PCDH9: variants seen among roughly 807,000 people sequenced by gnomAD.
PCDH9 encodes protocadherin-9.
A neutral mutation model predicts 70.6 loss-of-function variants in PCDH9; 24 were observed. That is an observed-to-expected ratio of 0.34 (90% CI 0.25 to 0.48). PCDH9 has a LOEUF of 0.48. Ranked by LOEUF, PCDH9 falls within the 20% of genes least tolerant of loss-of-function variation. The probability of loss-of-function intolerance (pLI) is 0.99; values close to 1 mark genes in which losing one functional copy is unlikely to be tolerated. For missense variants in PCDH9, 1,281 were observed against 1,503.6 expected, an observed-to-expected ratio of 0.85 and a Z score of 2.45; for synonymous variants, 562 against 558.5, an observed-to-expected ratio of 1.01 and a Z score of -0.09.
At chr13:66,959,175 A>G (rs923787632) in intron 2 of PCDH9, among the ~76,000 whole-genome samples, 3 of 152,168 alleles carry the variant, frequency 2.0e-5, no homozygotes, top group Non-Finnish European at 2.9e-5. Context: ...AAAAACACCT[A>G]TTTGAAGGTA....
intron 2 of PCDH9, among the ~76,000 whole-genome samples, chr13:67,032,097 T>C (rs2084918828): frequency 6.6e-6 from 1 of 152,222 alleles, no homozygotes; most frequent in Non-Finnish European, 1.5e-5. Context: ...CAGTCATAGA[T>C]TATAGATGTA....
In PCDH9 at chr13:66,529,835, C is replaced by T. The variant is rs527572070; in HGVS notation, c.3340+101375G>A. Among the ~76,000 whole-genome samples, 162 of 144,904 alleles carry T rather than the reference C, an allele frequency of 1.1e-3. 1 individual carries two copies. Among genetic ancestry groups the T allele is most frequent in the African/African-American group, 4.0e-3 (158 of 39,182 alleles). On this transcript the variant is annotated intron_variant, in intron 4 of 4. Coordinates refer to ENST00000377865, the MANE Select transcript of PCDH9 (RefSeq NM_203487.3). The stretch of plus-strand genomic sequence containing the variant: ...CATACAGATCAATATCACATGAACA[C>T]AAGATAGTATTGTGTACTAGAAGGA...
intron 4 of PCDH9, among the ~76,000 whole-genome samples, chr13:66,333,988 A>T (rs1955986901): frequency 6.6e-6 from 1 of 152,148 alleles, no homozygotes; most frequent in African/African-American, 2.4e-5. Flanking sequence ...GTAATGATCA[A>T]ATCTGGGTAA....
At chr13:66,308,135 G>A (rs991236966) in intron 4 of PCDH9, among the ~76,000 whole-genome samples, 1 of 151,990 alleles carries the variant, frequency 6.6e-6, no homozygotes, top group African/African-American at 2.4e-5. Context: ...TCTGGGGGCC[G>A]TTAACTGTTT....
chr13:67,092,593 T>C (rs1460271406), intron 2 of PCDH9, among the ~76,000 whole-genome samples: 1 of 152,168 alleles, frequency 6.6e-6, no homozygotes, highest in Non-Finnish European at 1.5e-5. Flanking sequence ...TCCCCCGGAC[T>C]GAGGAGACAG....
intron 2 of PCDH9, among the ~76,000 whole-genome samples, chr13:66,963,060 C>A (rs1270905178): frequency 6.6e-6 from 1 of 152,022 alleles, no homozygotes; most frequent in East Asian, 1.9e-4. Context: ...AACCTAGAAC[C>A]CTCGCATGCT....
chr13:67,097,177 C>T (rs559926250), intron 2 of PCDH9, among the ~76,000 whole-genome samples: 2 of 152,006 alleles, frequency 1.3e-5, no homozygotes, highest in East Asian at 3.9e-4. Flanking sequence ...ATCACCTGAG[C>T]CCAGGGAGGT....
rs113168050 is a variant in PCDH9 at position 66,708,677 on chromosome 13, T to C, written c.3139-77266A>G. ...AACACGCAGAAACGTGGAAGATACA[T>C]GGCTTCCTCAGTCTAAGTATGTGAC... On this transcript the variant is annotated intron_variant, in intron 3 of 4. Transcript: ENST00000377865. Among the ~76,000 whole-genome samples the C allele has an allele frequency of 7.9e-4, 121 of 152,314 alleles. 1 individual carries two copies. Among genetic ancestry groups the C allele is most frequent in the African/African-American group, 2.8e-3 (117 of 41,566 alleles).
chr13:66,376,215 C>T (rs1275081124), intron 4 of PCDH9, among the ~76,000 whole-genome samples: 1 of 152,030 alleles, frequency 6.6e-6, no homozygotes. Context: ...GTCACCTTTG[C>T]CTTTAAACAA....
At chr13:67,007,999 G>A (rs1185436630) in intron 2 of PCDH9, among the ~76,000 whole-genome samples, 7 of 152,104 alleles carry the variant, frequency 4.6e-5, no homozygotes, top group African/African-American at 1.7e-4. Context: ...ATTCATATTA[G>A]CATCCTTCAT....
At chr13:66,489,007 A>G (rs1958990995) in intron 4 of PCDH9, among the ~76,000 whole-genome samples, 1 of 152,174 alleles carries the variant, frequency 6.6e-6, no homozygotes, top group South Asian at 2.1e-4. Context: ...ACACAAAAAT[A>G]GTTACATTTT....
intron 4 of PCDH9, among the ~76,000 whole-genome samples, chr13:66,369,999 C>T (rs1444387): frequency 0.44 from 66,831 of 151,844 alleles, 15,089 homozygotes; most frequent in Non-Finnish European, 0.51. Context: ...TAAATGTGTA[C>T]GTTTTGCTAA....
chr13:67,012,335 AAGAG>A (rs2084467544), intron 2 of PCDH9, among the ~76,000 whole-genome samples: 1 of 151,810 alleles, frequency 6.6e-6, no homozygotes, highest in Non-Finnish European at 1.5e-5. Context: ...GTGTGAGAGA[AAGAG>A]AGAGAAAAAG....
chr13:67,194,274 T>C (rs1488880381), intron 2 of PCDH9, among the ~76,000 whole-genome samples: 3 of 152,148 alleles, frequency 2.0e-5, no homozygotes, highest in Non-Finnish European at 4.4e-5. Flanking sequence ...CTAATGTTGA[T>C]TCACTCATAA....
At chr13:66,747,122 C>A (rs993185070) in intron 3 of PCDH9, among the ~76,000 whole-genome samples, 75 of 152,110 alleles carry the variant, frequency 4.9e-4, no homozygotes, top group Admixed American at 1.5e-3. Flanking sequence ...GAGGCAGAGG[C>A]GGGTGGATCA....
chr13:66,469,533 G>T (rs1213903051), intron 4 of PCDH9, among the ~76,000 whole-genome samples: 1 of 151,890 alleles, frequency 6.6e-6, no homozygotes, highest in Non-Finnish European at 1.5e-5. Context: ...ACTTCAAATT[G>T]TAACCAAATG....
intron 3 of PCDH9, among the ~76,000 whole-genome samples, chr13:66,797,415 A>G (rs1353059087): frequency 6.6e-6 from 1 of 152,166 alleles, no homozygotes; most frequent in East Asian, 1.9e-4. Context: ...ATAGTGACAT[A>G]GTTCTTTCAG....
At chr13:66,869,983 A>G (rs2081645409) in intron 3 of PCDH9, among the ~76,000 whole-genome samples, 1 of 152,194 alleles carries the variant, frequency 6.6e-6, no homozygotes, top group African/African-American at 2.4e-5. Context: ...TGTTTTAGAC[A>G]TGAAGTCCTT....
intron 2 of PCDH9, among the ~76,000 whole-genome samples, chr13:67,125,414 G>A (rs2086957534): frequency 6.6e-6 from 1 of 152,142 alleles, no homozygotes; most frequent in African/African-American, 2.4e-5. Flanking sequence ...AGAACTCTGT[G>A]ACTTTACTTG....
Sources: allele counts gnomAD v4.1 joint callset (sites outside exome capture counted in the v4.1 genomes callset), GRCh38; gene constraint gnomAD v4.1.1; transcripts MANE v1.5; gene names NCBI Gene and HGNC (gene_info 2026-07-23, HGNC 2026-07-21).